COL6A6: variants seen among roughly 807,000 people sequenced by gnomAD.
The protein encoded by COL6A6 is collagen type VI alpha 6 chain.
COL6A6 carries 183 observed loss-of-function variants against 208.6 expected under a neutral mutation model. That is an observed-to-expected ratio of 0.88 (90% confidence interval 0.78 to 0.99). The LOEUF (loss-of-function observed/expected upper bound fraction) is 0.99, where lower values mean the gene tolerates loss of function less well. COL6A6 is among the 50% of genes least tolerant of loss of function. COL6A6 has a pLI of 0.00. For synonymous variants in COL6A6, 973 were observed against 1,011.8 expected, an observed-to-expected ratio of 0.96 and a Z score of 0.73; for missense variants, 2,816 against 2,815.2, an observed-to-expected ratio of 1.00 and a Z score of -0.01.
chr3:130,641,471 G>A (rs1043372535), intron 28 of COL6A6, among the ~76,000 whole-genome samples, 181 bp from the exon 29 acceptor site: 1 of 151,998 alleles, frequency 6.6e-6, no homozygotes, highest in Non-Finnish European at 1.5e-5. Flanking sequence ...GGGGAAGAAG[G>A]GATTGCTGGG....
intron 1 of COL6A6, among the ~76,000 whole-genome samples, chr3:130,542,131 A>AT (rs151311125): frequency 0.076 from 9,109 of 119,732 alleles, 915 homozygotes; most frequent in African/African-American, 0.24. Context: ...GGTTTTGTTG[A>AT]TTTTTTTTTT....
chr3:130,545,588 G>C (rs1469267875), intron 1 of COL6A6, among the ~76,000 whole-genome samples: 1 of 150,796 alleles, frequency 6.6e-6, no homozygotes, highest in African/African-American at 2.4e-5. Context: ...TGAGTAGCTG[G>C]GACTACAGAT....
At chr3:130,641,358 G>A (rs1373596862) in intron 28 of COL6A6, among the ~76,000 whole-genome samples, 4 of 152,040 alleles carry the variant, frequency 2.6e-5, no homozygotes, top group Non-Finnish European at 5.9e-5. Context: ...TAGTTTAAAA[G>A]GTAACAGAGA....
At chr3:130,675,145 A>T in intron 36 of COL6A6, 57 bp from the exon 37 acceptor site, 2 of 1,034,800 alleles carry the variant, frequency 1.9e-6, no homozygotes, top group Non-Finnish European at 2.7e-6. Context: ...ATTAATATGT[A>T]GTCTATTAAA....
Position 130,586,432 on chromosome 3 carries a change from A to G in COL6A6, c.3971-74A>G, listed in dbSNP as rs1239747511. ...TTGCAGCTGTTCACTGAGAATAACAATTTAAATATGCTTGCAAAAAACTAA... is the reference window on the plus strand; with the variant it reads ...TTGCAGCTGTTCACTGAGAATAACAGTTTAAATATGCTTGCAAAAAACTAA... On this transcript the variant is annotated intron_variant, in intron 10 of 36. Coordinates refer to ENST00000358511, the MANE Select transcript of COL6A6 (RefSeq NM_001102608.3). 4 of 1,385,298 alleles carry G rather than the reference A, an allele frequency of 2.9e-6. No individual in the cohort carries two copies. The South Asian group carries it at 4.4e-5, about 15-fold the overall frequency. 85.8% of individuals were successfully genotyped at this position (1,385,298 alleles called of 1,614,324 possible). A position where few individuals can be genotyped will look rare whatever the true frequency, so the allele number is the denominator to read the frequency against.
At chr3:130,556,656 G>A (rs2062773403) in intron 1 of COL6A6, among the ~76,000 whole-genome samples, 1 of 151,930 alleles carries the variant, frequency 6.6e-6, no homozygotes, top group African/African-American at 2.4e-5. Context: ...TTAATTTTTA[G>A]TATTGTAGTA....
intron 7 of COL6A6, among the ~76,000 whole-genome samples, chr3:130,572,983 G>C (rs1023359187): frequency 1.3e-5 from 2 of 152,094 alleles, no homozygotes; most frequent in Non-Finnish European, 2.9e-5. Flanking sequence ...TGTTCTTCTT[G>C]TTTTATATTT....
chr3:130,614,737 G>A (rs191389314), intron 23 of COL6A6, among the ~76,000 whole-genome samples: 1 of 152,198 alleles, frequency 6.6e-6, no homozygotes, highest in East Asian at 1.9e-4. Flanking sequence ...TTCATTCTTG[G>A]GAGGTTGTTT....
chr3:130,675,481 G>C lies in COL6A6; in HGVS notation c.*84G>C. On this transcript the variant is annotated 3_prime_UTR_variant, in exon 37 of 37. Transcript: ENST00000358511. ...AACTAAATCTGCTGCCAGAACTCAA[G>C]CAACAGTTTGTAGGTTATCAGGTGA... The C allele has an allele frequency of 9.8e-7, 1 of 1,019,152 alleles. No individual in the cohort carries two copies. Among genetic ancestry groups the C allele is most frequent in the South Asian group, 1.9e-5 (1 of 53,810 alleles). 63.1% of individuals were successfully genotyped at this position (1,019,152 alleles called of 1,614,324 possible).
chr3:130,573,583 T>G (rs76548497), intron 7 of COL6A6, among the ~76,000 whole-genome samples: 1 of 147,914 alleles, frequency 6.8e-6, no homozygotes, highest in East Asian at 2.0e-4. Context: ...TTTTTTTTTT[T>G]TGAGACGGGG....
chr3:130,618,096 G>A (rs1202210789), intron 23 of COL6A6, among the ~76,000 whole-genome samples: 1 of 152,058 alleles, frequency 6.6e-6, no homozygotes, highest in East Asian at 1.9e-4. Flanking sequence ...CATCAAGTTT[G>A]GAGAGCCACA....
intron 24 of COL6A6, 82 bp from the exon 25 acceptor site, chr3:130,626,403 T>C (rs1201275678): frequency 4.1e-6 from 4 of 975,682 alleles, no homozygotes; most frequent in Admixed American, 3.4e-5. Context: ...AAACCCATTG[T>C]TGTGTGTGAT....
At chr3:130,522,786 C>G (rs1033008233) in intron 1 of COL6A6, among the ~76,000 whole-genome samples, 4 of 152,132 alleles carry the variant, frequency 2.6e-5, no homozygotes, top group African/African-American at 9.7e-5. Flanking sequence ...CCCATCTAAT[C>G]AGTCTCCAAG....
intron 36 of COL6A6, among the ~76,000 whole-genome samples, 188 bp from the exon 37 acceptor site, chr3:130,675,014 G>C (rs990779449): frequency 1.3e-5 from 2 of 152,172 alleles, no homozygotes; most frequent in East Asian, 1.9e-4. Context: ...ACTTTGATGA[G>C]ATGTATCATT....
At chr3:130,541,295 T>G (rs1032381069) in intron 1 of COL6A6, among the ~76,000 whole-genome samples, 3 of 152,212 alleles carry the variant, frequency 2.0e-5, no homozygotes, top group Admixed American at 2.0e-4. Flanking sequence ...AATAAACACT[T>G]GAGTTTCCTC....
At chr3:130,576,663 T>C (rs2063305381) in intron 8 of COL6A6, among the ~76,000 whole-genome samples, 1 of 5,502 alleles carries the variant, frequency 1.8e-4, no homozygotes, top group Non-Finnish European at 3.7e-4. Context: ...TAGTCATGAA[T>C]GCAAAAAAAA....
chr3:130,554,683 G>T (rs1559982248), intron 1 of COL6A6, among the ~76,000 whole-genome samples: 1 of 152,172 alleles, frequency 6.6e-6, no homozygotes, highest in Non-Finnish European at 1.5e-5. Context: ...ACACCATAAG[G>T]TGTACACATC....
intron 21 of COL6A6, among the ~76,000 whole-genome samples, 173 bp downstream of exon 21, chr3:130,607,139 G>T (rs903898872): frequency 6.6e-6 from 1 of 152,186 alleles, no homozygotes; most frequent in African/African-American, 2.4e-5. Flanking sequence ...TTAAAATGAT[G>T]TGGGAACTTT....
At chr3:130,558,657 C>T (rs2062817903) in intron 1 of COL6A6, among the ~76,000 whole-genome samples, 1 of 152,102 alleles carries the variant, frequency 6.6e-6, no homozygotes, top group African/African-American at 2.4e-5. Flanking sequence ...TTGACATTGG[C>T]CCTATGGATT....
Sources: allele counts gnomAD v4.1 joint callset (sites outside exome capture counted in the v4.1 genomes callset), GRCh38; gene constraint gnomAD v4.1.1; transcripts MANE v1.5; gene names NCBI Gene and HGNC (gene_info 2026-07-23, HGNC 2026-07-21).